The following ERBB4 variants were observed in gnomAD, a reference collection of about 807,000 sequenced individuals.
ERBB4 encodes erb-b2 receptor tyrosine kinase 4.
ERBB4 carries 42 observed loss-of-function variants against 158.0 expected under a neutral mutation model. The observed-to-expected ratio is 0.27, with a 90% CI of 0.21 to 0.34. The LOEUF (loss-of-function observed/expected upper bound fraction) is 0.34. Ranked by LOEUF, ERBB4 falls within the 10% of genes least tolerant of loss-of-function variation. The pLI is 1.00. For synonymous variants in ERBB4, 583 were observed against 558.7 expected, an observed-to-expected ratio of 1.04 and a Z score of -0.61; for missense variants, 1,333 against 1,624.1, an observed-to-expected ratio of 0.82 and a Z score of 3.08.
intron 3 of ERBB4, among the ~76,000 whole-genome samples, chr2:211,843,755 T>G (rs563218927): frequency 6.6e-6 from 1 of 152,014 alleles, no homozygotes; most frequent in Non-Finnish European, 1.5e-5. Flanking sequence ...AAAGGCTATT[T>G]GCTCTGTATA....
rs1336625338 is a variant in ERBB4, at chr2:212,373,948, TA to T, written c.82+164500del. On this transcript the variant is annotated intron_variant, in intron 1 of 27. Coordinates refer to ENST00000342788, the MANE Select transcript of ERBB4 (RefSeq NM_005235.3). The stretch of plus-strand genomic sequence containing the variant: ...ATATATCCATATATATCCATATATA[TA>T]TCATATATATATCCATATATATCCA... 7.1e-3 allele frequency among the ~76,000 whole-genome samples: 551 copies of T among 77,266 alleles called. 101 individuals carry two copies. Among genetic ancestry groups the T allele is most frequent in the African/African-American group, 0.037 (495 of 13,270 alleles). The allele number at this position is 77,266 out of a possible 152,430, so 50.7% of individuals were successfully genotyped here. A position where few individuals can be genotyped will look rare whatever the true frequency, so the allele number is the denominator to read the frequency against.
intron 1 of ERBB4, among the ~76,000 whole-genome samples, chr2:212,355,415 A>G (rs1328944728): frequency 6.6e-6 from 1 of 152,006 alleles, no homozygotes; most frequent in Non-Finnish European, 1.5e-5. Flanking sequence ...CTTTGGAAAT[A>G]AAAGGGTCTT....
chr2:211,854,133 C>G (rs1399416921), intron 3 of ERBB4, among the ~76,000 whole-genome samples: 1 of 151,992 alleles, frequency 6.6e-6, no homozygotes, highest in African/African-American at 2.4e-5. Context: ...AAAATTAGAC[C>G]TAGACCTATA....
chr2:211,513,096 A>T (rs2065922282), intron 20 of ERBB4, among the ~76,000 whole-genome samples: 1 of 151,984 alleles, frequency 6.6e-6, no homozygotes, highest in Non-Finnish European at 1.5e-5. Flanking sequence ...GTGTACAAAG[A>T]TGATTGCTTT....
chr2:211,587,429 A>G (rs957816197), intron 19 of ERBB4, among the ~76,000 whole-genome samples: 1 of 152,142 alleles, frequency 6.6e-6, no homozygotes, highest in African/African-American at 2.4e-5. Context: ...TTATAACAGG[A>G]TGGCCATGTG....
At chr2:212,255,035 T>G (rs2084675502) in intron 1 of ERBB4, among the ~76,000 whole-genome samples, 1 of 152,158 alleles carries the variant, frequency 6.6e-6, no homozygotes, top group Non-Finnish European at 1.5e-5. Flanking sequence ...TATACACATG[T>G]GCAAACACAT....
chr2:212,288,105 G>C (rs2086065983), intron 1 of ERBB4, among the ~76,000 whole-genome samples: 1 of 152,106 alleles, frequency 6.6e-6, no homozygotes, highest in South Asian at 2.1e-4. Flanking sequence ...GAAAATCAGA[G>C]TTGAGATTTT....
At chr2:212,446,612 T>TAC (rs2092359551) in intron 1 of ERBB4, among the ~76,000 whole-genome samples, 1 of 45,228 alleles carries the variant, frequency 2.2e-5, no homozygotes, top group Non-Finnish European at 4.7e-5. Flanking sequence ...TATATATATA[T>TAC]ATATATATAT....
intron 3 of ERBB4, among the ~76,000 whole-genome samples, chr2:211,861,052 T>TA (rs1180621194): frequency 0.27 from 3,202 of 12,044 alleles, 592 homozygotes; most frequent in East Asian, 0.35. Context: ...TATATATTTA[T>TA]ATATATATAA....
intron 1 of ERBB4, among the ~76,000 whole-genome samples, chr2:212,435,181 AT>A (rs1232593311): frequency 6.6e-6 from 1 of 152,024 alleles, no homozygotes; most frequent in Non-Finnish European, 1.5e-5. Context: ...GATGACGTTG[AT>A]ATTCCTTCTG....
intron 19 of ERBB4, among the ~76,000 whole-genome samples, chr2:211,584,001 T>A (rs1360166045): frequency 6.7e-6 from 1 of 148,670 alleles, no homozygotes; most frequent in Non-Finnish European, 1.5e-5. Context: ...AAAAAGAATG[T>A]ATTATGACAG....
At chr2:211,839,152 AAGGAGGAGGAGGAGGAGGAGG>A (rs71409858) in intron 3 of ERBB4, among the ~76,000 whole-genome samples, 3,135 of 110,898 alleles carry the variant, frequency 0.028, 133 homozygotes, top group African/African-American at 0.11. Context: ...GGAGAGAGAG[AAGGAGGAGGAGGAGGAGGAGG>A]AGGAGGAGGA....
intron 3 of ERBB4, among the ~76,000 whole-genome samples, chr2:211,917,751 T>C (rs752330667): frequency 6.6e-6 from 1 of 152,176 alleles, no homozygotes; most frequent in Admixed American, 6.6e-5. Flanking sequence ...GAATCAAAGC[T>C]ACTTGAGTCA....
intron 16 of ERBB4, among the ~76,000 whole-genome samples, chr2:211,654,965 C>A (rs914964471): frequency 5.9e-5 from 9 of 152,122 alleles, no homozygotes; most frequent in African/African-American, 1.9e-4. Flanking sequence ...GAAACCGAAG[C>A]AGGCAAAAGG....
intron 2 of ERBB4, among the ~76,000 whole-genome samples, chr2:212,052,070 T>C (rs1009903611): frequency 1.3e-5 from 2 of 152,182 alleles, no homozygotes; most frequent in Admixed American, 1.3e-4. Context: ...GTCAGTGGAA[T>C]GGGAGAAGCA....
intron 16 of ERBB4, among the ~76,000 whole-genome samples, chr2:211,631,139 A>G (rs2070109008): frequency 6.6e-6 from 1 of 152,094 alleles, no homozygotes; most frequent in South Asian, 2.1e-4. Flanking sequence ...CTGAGATGCC[A>G]GTAGCACCCC....
chr2:211,713,264 A>G (rs540834700), intron 8 of ERBB4, among the ~76,000 whole-genome samples: 1 of 152,146 alleles, frequency 6.6e-6, no homozygotes, highest in Non-Finnish European at 1.5e-5. Flanking sequence ...TTTGCTATTG[A>G]CAGAGTAACA....
intron 4 of ERBB4, 21 bp downstream of exon 4, chr2:211,788,003 TA>T: frequency 6.2e-7 from 1 of 1,611,436 alleles, no homozygotes; most frequent in Non-Finnish European, 8.5e-7. Context: ...TTTGAGAAAT[TA>T]AAAAGAATAA....
chr2:212,493,313 A>C (rs534249757), intron 1 of ERBB4, among the ~76,000 whole-genome samples: 2 of 151,400 alleles, frequency 1.3e-5, no homozygotes, highest in East Asian at 3.9e-4. Context: ...ATATATTCAA[A>C]TTTTATTAAT....
Sources: allele counts gnomAD v4.1 joint callset (sites outside exome capture counted in the v4.1 genomes callset), GRCh38; gene constraint gnomAD v4.1.1; transcripts MANE v1.5; gene names NCBI Gene and HGNC (gene_info 2026-07-23, HGNC 2026-07-21).